The following CFAP58 variants were observed in gnomAD, a reference collection of about 807,000 sequenced individuals.
CFAP58 encodes cilia- and flagella-associated protein 58.
A neutral mutation model predicts 119.5 loss-of-function variants in CFAP58; 88 were observed. The observed-to-expected ratio is 0.74, with a 90% CI of 0.62 to 0.88. The LOEUF (loss-of-function observed/expected upper bound fraction) is 0.88, where lower values mean the gene tolerates loss of function less well. CFAP58 is among the 40% of genes least tolerant of loss of function. The probability of loss-of-function intolerance (pLI) is 0.00; values close to 1 mark genes in which losing one functional copy is unlikely to be tolerated. For missense variants in CFAP58, 990 were observed against 1,021.2 expected (o/e 0.97, Z 0.42); for synonymous variants, 365 against 366.3 (o/e 1.00, Z 0.04).
intron 2 of CFAP58, among the ~76,000 whole-genome samples, chr10:104,361,687 T>G (rs2014667513): frequency 6.6e-6 from 1 of 152,194 alleles, no homozygotes; most frequent in South Asian, 2.1e-4. Flanking sequence ...TACTTTATTT[T>G]TATTTTTTAC....
intron 9 of CFAP58, among the ~76,000 whole-genome samples, chr10:104,388,315 A>T (rs2133025267): frequency 6.6e-6 from 1 of 152,354 alleles, no homozygotes; most frequent in Middle Eastern, 3.4e-3. Flanking sequence ...TTAAATGATT[A>T]AATTACTATA....
chr10:104,338,647 G>C, the CFAP58 span, among the ~76,000 whole-genome samples: 3 of 152,034 alleles, frequency 2.0e-5, no homozygotes, highest in Non-Finnish European at 4.4e-5. Flanking sequence ...GAGTGACTGG[G>C]AGAGACGGAA....
intron 15 of CFAP58, among the ~76,000 whole-genome samples, chr10:104,413,749 CAAG>C (rs139770358): frequency 5.1e-4 from 73 of 142,382 alleles, no homozygotes; most frequent in African/African-American, 2.1e-3. Flanking sequence ...TCATCATCAT[CAAG>C]ATGGCATTTC....
intron 13 of CFAP58, among the ~76,000 whole-genome samples, chr10:104,401,502 C>T (rs1398490972): frequency 6.6e-6 from 1 of 152,208 alleles, no homozygotes; most frequent in East Asian, 1.9e-4. Context: ...TCTACTTTCC[C>T]TTTGGGAAAA....
rs762092434 is a variant in CFAP58 at position 104,380,179 on chromosome 10, C to T, written c.1324C>T (p.Arg442Cys). ...RKIIFHLEKE[R>C]DRYINQASDL... ...GATCATCTTTCATCTGGAAAAGGAG[C>T]GTGACCGGTACATCAACCAAGCCAG... Residue 442 changes from arginine to cysteine, a missense_variant, in exon 9 of 18, where the codon CGT becomes TGT. Arg to Cys is a radical substitution (Grantham distance 180, BLOSUM62 -3). Transcript: ENST00000369704. 70 of 1,613,894 alleles carry T rather than the reference C, an allele frequency of 4.3e-5. 1 individual carries two copies. The South Asian group carries it at 6.7e-4, about 15-fold the overall frequency.
the CFAP58 span, among the ~76,000 whole-genome samples, chr10:104,340,238 C>G: frequency 6.6e-6 from 1 of 152,184 alleles, no homozygotes; most frequent in African/African-American, 2.4e-5. Context: ...GTGTCCCACA[C>G]AAAACTCCTT....
chr10:104,343,105 A>G, the CFAP58 span, among the ~76,000 whole-genome samples: 1 of 152,212 alleles, frequency 6.6e-6, no homozygotes, highest in African/African-American at 2.4e-5. Flanking sequence ...TGATTTGGTC[A>G]ATTTCCCACT....
chr10:104,426,268 T>C (rs561047044), intron 15 of CFAP58, among the ~76,000 whole-genome samples: 7 of 152,204 alleles, frequency 4.6e-5, no homozygotes, highest in African/African-American at 1.7e-4. Context: ...AAGACCAGCA[T>C]AGGGGACTTA....
intron 9 of CFAP58, among the ~76,000 whole-genome samples, chr10:104,384,734 C>A (rs1442829746): frequency 6.6e-6 from 1 of 152,204 alleles, no homozygotes; most frequent in East Asian, 1.9e-4. Context: ...CAAGTTTCCC[C>A]TTGTGGGAGG....
chr10:104,437,523 T>C (rs1165555945), intron 15 of CFAP58, among the ~76,000 whole-genome samples: 1 of 152,156 alleles, frequency 6.6e-6, no homozygotes, highest in Non-Finnish European at 1.5e-5. Context: ...TGATGCAAGG[T>C]AACTGTAAAA....
intron 9 of CFAP58, among the ~76,000 whole-genome samples, chr10:104,391,093 T>A (rs929868457): frequency 9.2e-5 from 14 of 152,300 alleles, no homozygotes; most frequent in African/African-American, 3.4e-4. Flanking sequence ...GGGATGGCAA[T>A]TCTGCAAGTG....
Position 104,381,103 on chromosome 10 carries a change from T to C in CFAP58, c.1365+883T>C, listed in dbSNP as rs747811069. Among the ~76,000 whole-genome samples the C allele has an allele frequency of 6.0e-4, 92 of 152,266 alleles. 1 individual carries two copies. The highest frequency in any genetic ancestry group is 8.1e-4 in the Non-Finnish European group (55 of 68,020). On this transcript the variant is annotated intron_variant, in intron 9 of 17. Transcript: ENST00000369704. The stretch of plus-strand genomic sequence containing the variant: ...AGGTGGAGGCTACAGTGAGCTGTGG[T>C]TGCAGCACTGCACTCCAGCCTGGGC...
the CFAP58 span, among the ~76,000 whole-genome samples, chr10:104,342,106 G>A: frequency 2.6e-3 from 402 of 152,256 alleles, 4 homozygotes; most frequent in Middle Eastern, 0.017. Context: ...TGGCTATTTT[G>A]GGTCAGTGCC....
chr10:104,418,275 G>A (rs1462728427), intron 15 of CFAP58, among the ~76,000 whole-genome samples: 1 of 152,210 alleles, frequency 6.6e-6, no homozygotes, highest in African/African-American at 2.4e-5. Context: ...GAGGCTGGGT[G>A]CGGTGGCTCA....
intron 1 of CFAP58, among the ~76,000 whole-genome samples, chr10:104,355,169 C>T (rs2014527499): frequency 6.6e-6 from 1 of 152,138 alleles, no homozygotes; most frequent in African/African-American, 2.4e-5. Context: ...CTCTTTCTTC[C>T]CATTTCCTTT....
chr10:104,435,734 T>G (rs1461144301), intron 15 of CFAP58, among the ~76,000 whole-genome samples: 4 of 152,226 alleles, frequency 2.6e-5, no homozygotes, highest in African/African-American at 9.6e-5. Flanking sequence ...GCTTTCACTC[T>G]CAAGGATTTC....
chr10:104,431,144 G>A (rs1050859038), intron 15 of CFAP58, among the ~76,000 whole-genome samples: 1 of 152,184 alleles, frequency 6.6e-6, no homozygotes, highest in Non-Finnish European at 1.5e-5. Flanking sequence ...GAGTTGTTTA[G>A]TCAGTTACAT....
intron 17 of CFAP58, 148 bp from the exon 18 acceptor site, chr10:104,454,274 C>A (rs2013241824): frequency 1.4e-6 from 1 of 711,410 alleles, no homozygotes; most frequent in Admixed American, 2.5e-5. Context: ...TCAGTGAACA[C>A]CTAATTAGAT....
chr10:104,364,591 C>A, intron 3 of CFAP58, 142 bp from the exon 4 acceptor site: 1 of 655,898 alleles, frequency 1.5e-6, no homozygotes, highest in South Asian at 2.1e-5. Context: ...CATATCATGG[C>A]ATAAAGATCT....
Sources: allele counts gnomAD v4.1 joint callset (sites outside exome capture counted in the v4.1 genomes callset), GRCh38; gene constraint gnomAD v4.1.1; transcripts MANE v1.5; gene names NCBI Gene and HGNC (gene_info 2026-07-23, HGNC 2026-07-21).